GYPC: variants seen among roughly 807,000 people sequenced by gnomAD.
GYPC encodes glycophorin-C.
In GYPC, 14 loss-of-function variants were observed where a neutral mutation model predicts 12.6. The ratio of observed to expected loss-of-function variants is 1.11; its 90% CI spans 0.74 to 1.74. GYPC has a LOEUF of 1.74. Ranked by LOEUF, GYPC falls within the 40% of genes most tolerant of loss-of-function variation. The pLI is 0.00. For missense variants in GYPC, 225 were observed against 172.1 expected (o/e 1.31, Z -1.72); for synonymous variants, 78 against 62.1 (o/e 1.26, Z -1.20).
intron 1 of GYPC, among the ~76,000 whole-genome samples, chr2:126,667,536 TG>T (rs1363695679): frequency 6.6e-6 from 1 of 152,014 alleles, no homozygotes; most frequent in Admixed American, 6.6e-5. Flanking sequence ...CCCGAGTAGC[TG>T]GGATTACAGG....
intron 1 of GYPC, among the ~76,000 whole-genome samples, chr2:126,673,463 G>A (rs1401041006): frequency 1.3e-5 from 2 of 152,170 alleles, no homozygotes; most frequent in Non-Finnish European, 2.9e-5. Flanking sequence ...GTGTGCTCTC[G>A]GGAGGAGAGT....
At chr2:126,661,623 T>G (rs374594058) in intron 1 of GYPC, among the ~76,000 whole-genome samples, 1 of 152,174 alleles carries the variant, frequency 6.6e-6, no homozygotes, top group East Asian at 1.9e-4. Context: ...TGGCTAATTT[T>G]GTATTTTTAG....
chr2:126,680,352 A>G (rs1242773984), intron 1 of GYPC: 1 of 152,240 alleles, frequency 6.6e-6, no homozygotes, highest in African/African-American at 2.4e-5. Flanking sequence ...GTTTCCCTCC[A>G]TGAGCCCAAA....
At chr2:126,680,625 A>AGAAGCAAGGGACTGGGGGT (rs1426400356) in intron 1 of GYPC, among the ~76,000 whole-genome samples, 3 of 152,186 alleles carry the variant, frequency 2.0e-5, no homozygotes, top group Non-Finnish European at 4.4e-5. Context: ...TTCCACCTGC[A>AGAAGCAAGGGACTGGGGGT]GAAGCAAGGG....
rs936971811 is a variant in GYPC at position 126,676,182 on chromosome 2, G to T, written c.50-14073G>T. Among the ~76,000 whole-genome samples, 7 of 152,180 alleles carry T rather than the reference G, an allele frequency of 4.6e-5. No individual in the cohort carries two copies. In the South Asian group the frequency reaches 6.2e-4, roughly 13 times the overall value. On this transcript the variant is annotated intron_variant, in intron 1 of 3. Transcript: ENST00000259254. ...TGTTACTTGGTTTGCTTAAGCAAAG[G>T]TTTCTTGCCTTTATCAAGGAAATTA...
chr2:126,672,017 C>T (rs1292563587), intron 1 of GYPC, among the ~76,000 whole-genome samples: 1 of 152,138 alleles, frequency 6.6e-6, no homozygotes. Flanking sequence ...GTGCAAGGGT[C>T]CTGAGGCAGG....
At chr2:126,686,664 C>T (rs1253133894) in intron 1 of GYPC, 34 of 984,414 alleles carry the variant, frequency 3.5e-5, no homozygotes, top group Non-Finnish European at 4.0e-5. Context: ...TTGCAGGGGG[C>T]CGGGGGGACC....
At chr2:126,657,761 G>A (rs1682405813) in intron 1 of GYPC, 1 of 152,410 alleles carries the variant, frequency 6.6e-6, no homozygotes, top group East Asian at 1.9e-4. Flanking sequence ...AGTTCTCCAG[G>A]ACTCAGGTTT....
At position 126,661,022 on chromosome 2, in the gene GYPC, T is replaced by A. The variant is rs117790872; in HGVS notation, c.49+4710T>A. Among the ~76,000 whole-genome samples the A allele has an allele frequency of 4.6e-5, 7 of 152,314 alleles. No individual in the cohort carries two copies. The East Asian group carries it at 1.4e-3, about 29-fold the overall frequency. On this transcript the variant is annotated intron_variant, in intron 1 of 3. Transcript: ENST00000259254. ...CTGGCTCCTCTCCTTAGACTATACA[T>A]TTTCATTTTTCTACATTCTTCCAGA...
chr2:126,680,441 C>A (rs887791075), intron 1 of GYPC: 4 of 152,216 alleles, frequency 2.6e-5, no homozygotes, highest in African/African-American at 9.6e-5. Flanking sequence ...TGAGAGGAAC[C>A]TTTCCAGTGT....
intron 1 of GYPC, among the ~76,000 whole-genome samples, chr2:126,672,495 C>T (rs1357490379): frequency 1.3e-5 from 2 of 152,178 alleles, no homozygotes; most frequent in South Asian, 2.1e-4. Context: ...ATGTATCTTT[C>T]GGGTGCCTGG....
intron 1 of GYPC, among the ~76,000 whole-genome samples, chr2:126,669,568 G>A (rs1308535791): frequency 6.6e-6 from 1 of 152,128 alleles, no homozygotes; most frequent in Non-Finnish European, 1.5e-5. Context: ...ATTCGCCCTG[G>A]GTCATTTCTT....
intron 1 of GYPC, among the ~76,000 whole-genome samples, chr2:126,660,043 C>T (rs914174346): frequency 6.6e-6 from 1 of 152,200 alleles, no homozygotes; most frequent in East Asian, 1.9e-4. Context: ...ACACTGAGGG[C>T]GCAGCCAGGC....
Position 126,677,952 on chromosome 2 carries a change from C to T in GYPC, c.50-12303C>T, listed in dbSNP as rs191652922. Among the ~76,000 whole-genome samples, 384 of 152,290 alleles carry T rather than the reference C, an allele frequency of 2.5e-3. 2 individuals carry two copies. Among genetic ancestry groups the T allele is most frequent in the Admixed American group, 3.7e-3 (57 of 15,294 alleles). ...AATGTCCCCCATCGGCCGGGTGCAG[C>T]GGCTCACGCCTGTAATCCCAGCACT... On this transcript the variant is annotated intron_variant, in intron 1 of 3. Coordinates refer to ENST00000259254, the MANE Select transcript of GYPC (RefSeq NM_002101.5).
chr2:126,672,123 T>G (rs1573562871), intron 1 of GYPC, among the ~76,000 whole-genome samples: 1 of 151,074 alleles, frequency 6.6e-6, no homozygotes, highest in Non-Finnish European at 1.5e-5. Flanking sequence ...ACAGGTGAGG[T>G]GGTAGAGAGA....
chr2:126,695,551 A>G (rs1301432951), intron 3 of GYPC, among the ~76,000 whole-genome samples: 1 of 152,190 alleles, frequency 6.6e-6, no homozygotes, highest in Non-Finnish European at 1.5e-5. Flanking sequence ...CGTGAATGCA[A>G]AAGCATTCAG....
Position 126,675,827 on chromosome 2 carries a change from G to C in GYPC, c.50-14428G>C, listed in dbSNP as rs989989815. On this transcript the variant is annotated intron_variant, in intron 1 of 3. Coordinates refer to ENST00000259254, the MANE Select transcript of GYPC (RefSeq NM_002101.5). The stretch of plus-strand genomic sequence containing the variant: ...AGTAATAAGACAAGGAAAAGAAAAA[G>C]AGAAAAATAAGCTAATGATATGTAC... 5 of 281,030 alleles carry C rather than the reference G, an allele frequency of 1.8e-5. No individual in the cohort carries two copies. In the Admixed American group the frequency reaches 1.9e-4, roughly 11 times the overall value. The allele number at this position is 281,030 out of a possible 1,614,324, so 17.4% of individuals were successfully genotyped here. A position where few individuals can be genotyped will look rare whatever the true frequency, so the allele number is the denominator to read the frequency against.
intron 1 of GYPC, among the ~76,000 whole-genome samples, chr2:126,687,108 G>A (rs970159165): frequency 5.9e-5 from 9 of 152,202 alleles, no homozygotes; most frequent in African/African-American, 2.2e-4. Context: ...TCCATCTCCA[G>A]AGGCTTCCGG....
At chr2:126,672,590 G>A (rs1162181940) in intron 1 of GYPC, among the ~76,000 whole-genome samples, 1 of 152,178 alleles carries the variant, frequency 6.6e-6, no homozygotes, top group Admixed American at 6.5e-5. Context: ...TTAGGGAGCA[G>A]GGAGAATGTG....
Sources: allele counts gnomAD v4.1 joint callset (sites outside exome capture counted in the v4.1 genomes callset), GRCh38; gene constraint gnomAD v4.1.1; transcripts MANE v1.5; gene names NCBI Gene and HGNC (gene_info 2026-07-23, HGNC 2026-07-21).